PDCD6: variants seen among roughly 807,000 people sequenced by gnomAD.
PDCD6 encodes programmed cell death protein 6.
Under a neutral mutation model 28.3 loss-of-function variants are expected in PDCD6, and 12 were observed. The ratio of observed to expected loss-of-function variants is 0.42; its 90% confidence interval spans 0.27 to 0.69. The LOEUF (loss-of-function observed/expected upper bound fraction) is 0.69. PDCD6 is among the 30% of genes least tolerant of loss of function. The pLI is 0.22. For missense variants in PDCD6, 226 were observed against 269.9 expected (o/e 0.84, Z 1.14); for synonymous variants, 92 against 108.0 (o/e 0.85, Z 0.92).
Position 276,085 on chromosome 5 carries a change from T to G in PDCD6, c.163+3313T>G. The G allele has an allele frequency of 2.8e-6, 3 of 1,059,208 alleles. No individual in the cohort carries two copies. In the South Asian group the frequency reaches 3.9e-5, roughly 14 times the overall value. 65.6% of individuals were successfully genotyped at this position (1,059,208 alleles called of 1,614,324 possible). A position where few individuals can be genotyped will look rare whatever the true frequency, so the allele number is the denominator to read the frequency against. ...AGACCCTGTTTCTACAAAAAGTAAA[T>G]GAGTGTAGTGGTGCACGCCTGTATT... On this transcript the variant is annotated intron_variant, in intron 2 of 5. Coordinates refer to ENST00000264933, the MANE Select transcript of PDCD6 (RefSeq NM_013232.4).
intron 2 of PDCD6, among the ~76,000 whole-genome samples, chr5:284,642 TGCAG>T (rs1738808447): frequency 1.1e-5 from 1 of 92,582 alleles, no homozygotes; most frequent in African/African-American, 1.1e-4. Context: ...TTGAGGACCG[TGCAG>T]CTGGAGACCG....
At chr5:286,953 T>A (rs916699674) in intron 2 of PDCD6, among the ~76,000 whole-genome samples, 4 of 151,672 alleles carry the variant, frequency 2.6e-5, no homozygotes, top group African/African-American at 9.7e-5. Flanking sequence ...GATCTGGAGA[T>A]ACAGTGGGGA....
At chr5:313,751 C>T (rs1437872638) in intron 5 of PDCD6, 3 of 153,922 alleles carry the variant, frequency 1.9e-5, no homozygotes, top group Non-Finnish European at 2.9e-5. Flanking sequence ...ACACGGCTCA[C>T]TGCAGCCTCG....
intron 2 of PDCD6, among the ~76,000 whole-genome samples, chr5:298,700 T>TCCCACC: frequency 5.6e-5 from 1 of 17,850 alleles, no homozygotes; most frequent in East Asian, 8.7e-4. Flanking sequence ...CTGCTCCCAC[T>TCCCACC]CAGCTGCTCC....
chr5:297,221 G>C (rs189369163), intron 2 of PDCD6, among the ~76,000 whole-genome samples: 2 of 152,254 alleles, frequency 1.3e-5, no homozygotes, highest in African/African-American at 2.4e-5. Context: ...GAACTTCTGC[G>C]TGTTGCAGAT....
rs190855685 is a variant in PDCD6 at position 291,695 on chromosome 5, G to A, written c.164-12482G>A. Among the ~76,000 whole-genome samples the A allele has an allele frequency of 9.6e-3, 1,272 of 133,054 alleles. 27 individuals are homozygous for A. Among genetic ancestry groups the A allele is most frequent in the African/African-American group, 0.034 (1,213 of 35,404 alleles). 87.3% of individuals were successfully genotyped at this position (133,054 alleles called of 152,430 possible). A position where few individuals can be genotyped will look rare whatever the true frequency, so the allele number is the denominator to read the frequency against. On this transcript the variant is annotated intron_variant, in intron 2 of 5. Coordinates refer to ENST00000264933, the MANE Select transcript of PDCD6 (RefSeq NM_013232.4). Reference sequence around the variant, plus strand: ...CATTTTCATTGCTGCGTGATCTCCCGTCTCCATTCTCTCCCTGAGACCCAC... The same window carrying A: ...CATTTTCATTGCTGCGTGATCTCCCATCTCCATTCTCTCCCTGAGACCCAC...
In PDCD6 at chr5:307,056, A is replaced by G. The variant is rs1026920293; in HGVS notation, c.367+296A>G. On this transcript the variant is annotated intron_variant, in intron 4 of 5. Coordinates refer to ENST00000264933, the MANE Select transcript of PDCD6 (RefSeq NM_013232.4). This position sits in a 1 kb window ranked among gnomAD's most constrained non-coding sequence, Gnocchi z 6.1. The stretch of plus-strand genomic sequence containing the variant: ...AGAATGTGGCTTTTGAAATCATTTA[A>G]AAGTGGATCCATGAAAATACCGTGG... 6.6e-6 allele frequency among the ~76,000 whole-genome samples: 1 copy of G among 152,224 alleles called. No individual in the cohort carries two copies. Among genetic ancestry groups the G allele is most frequent in the Non-Finnish European group, 1.5e-5 (1 of 68,044 alleles).
chr5:314,053 C>T (rs958388252), intron 5 of PDCD6, among the ~76,000 whole-genome samples: 7 of 152,192 alleles, frequency 4.6e-5, no homozygotes, highest in Non-Finnish European at 1.0e-4. Context: ...CCAGGTGGCC[C>T]CCACAGCAGA....
chr5:298,684 A>ACTCAGCTGCTCCCCCCCAGCTGCTCCCC lies in PDCD6; in HGVS notation c.164-5480_164-5479insCCCCAGCTGCTCCCCCTCAGCTGCTCCC, dbSNP rs1561043540. On this transcript the variant is annotated intron_variant, in intron 2 of 5. Transcript: ENST00000264933. ...CAGCTGCTCCCACTCAGCTGCTCCCACTCAGCTGCTCCCACTCAGCTGCTC... is the reference window on the plus strand; with the variant it reads ...CAGCTGCTCCCACTCAGCTGCTCCCACTCAGCTGCTCCCCCCCAGCTGCTCCCCCTCAGCTGCTCCCACTCAGCTGCTC... Among the ~76,000 whole-genome samples the ACTCAGCTGCTCCCCCCCAGCTGCTCCCC allele has an allele frequency of 1.3e-4, 4 of 30,968 alleles. No homozygotes were observed. The Admixed American group carries it at 1.3e-3, about 10-fold the overall frequency. The allele number at this position is 30,968 out of a possible 152,430, so 20.3% of individuals were successfully genotyped here. A position where few individuals can be genotyped will look rare whatever the true frequency, so the allele number is the denominator to read the frequency against.
chr5:277,592 C>T (rs547374366), intron 2 of PDCD6, among the ~76,000 whole-genome samples: 50 of 151,528 alleles, frequency 3.3e-4, no homozygotes, highest in African/African-American at 1.1e-3. Context: ...TGAGCCACCA[C>T]GCCCAGCAAT....
intron 2 of PDCD6, among the ~76,000 whole-genome samples, chr5:283,358 A>G (rs79395526): frequency 0.023 from 2,468 of 109,618 alleles, no homozygotes; most frequent in African/African-American, 0.092. Flanking sequence ...GGAGGTGAAA[A>G]CCCGGAGAGG....
chr5:290,271 T>C (rs1288568061), intron 2 of PDCD6: 15 of 1,482,868 alleles, frequency 1.0e-5, no homozygotes, highest in African/African-American at 6.9e-5. Context: ...ACTTCCTTTT[T>C]CCCCTCTTCT....
intron 2 of PDCD6, among the ~76,000 whole-genome samples, chr5:278,361 CAGAA>C (rs1738338444): frequency 6.6e-6 from 1 of 151,724 alleles, no homozygotes; most frequent in Admixed American, 6.6e-5. Flanking sequence ...CTAGGGAAGA[CAGAA>C]AGAAAATACA....
In PDCD6 at chr5:311,836, G is replaced by A. The variant is rs150860626; in HGVS notation, c.477+434G>A. ...AGCCTCCCCAGTAGCTGGGATTACA[G>A]GTGACACCCAGCTAATTTTTGTATT... On this transcript the variant is annotated intron_variant, in intron 5 of 5. Transcript: ENST00000264933. The A allele has an allele frequency of 5.3e-3, 972 of 182,252 alleles. 11 individuals are homozygous for A. The highest frequency in any genetic ancestry group is 0.022 in the African/African-American group (920 of 41,708). The allele number at this position is 182,252 out of a possible 1,614,324, so 11.3% of individuals were successfully genotyped here.
chr5:286,513 G>A (rs1301960255), intron 2 of PDCD6, among the ~76,000 whole-genome samples: 3 of 150,726 alleles, frequency 2.0e-5, no homozygotes, highest in Non-Finnish European at 4.4e-5. Context: ...CCGGAGACCC[G>A]GGGATGTGCT....
At chr5:302,991 C>T (rs1169506798) in intron 2 of PDCD6, among the ~76,000 whole-genome samples, 1 of 152,216 alleles carries the variant, frequency 6.6e-6, no homozygotes, top group Non-Finnish European at 1.5e-5. Flanking sequence ...TTGGGAGGTG[C>T]TCAGGCGGAG....
chr5:299,858 T>A (rs1473363491), intron 2 of PDCD6, among the ~76,000 whole-genome samples: 6 of 151,988 alleles, frequency 3.9e-5, no homozygotes, highest in South Asian at 2.1e-4. Context: ...TGGTATTTTT[T>A]TTTTTATTTT....
In PDCD6 at chr5:311,110, CA is replaced by C. The variant is rs1360862000; in HGVS notation, c.368-182del. 1.2e-5 allele frequency: 7 copies of C among 600,884 alleles called. No homozygotes were observed. The East Asian group carries it at 1.5e-4, about 13-fold the overall frequency. 37.2% of individuals were successfully genotyped at this position (600,884 alleles called of 1,614,324 possible). On this transcript the variant is annotated intron_variant, in intron 4 of 5. Transcript: ENST00000264933. ...ATGCACTGGGGATGTCAGCTCATTACAGAATGATATATTCGGGAAGTGTCTC... is the reference window on the plus strand; with the variant it reads ...ATGCACTGGGGATGTCAGCTCATTACGAATGATATATTCGGGAAGTGTCTC...
At chr5:304,802 G>T (rs879418100) in intron 3 of PDCD6, 2 of 152,112 alleles carry the variant, frequency 1.3e-5, no homozygotes, top group East Asian at 3.9e-4. Flanking sequence ...TAATGTGAGG[G>T]TCTGCATCAT....
Sources: gnomAD v4.1 joint callset for allele counts (sites outside exome capture counted in the v4.1 genomes callset) on GRCh38, gnomAD v4.1.1 for gene constraint, Gnocchi (gnomAD v3.1) non-coding constraint, MANE v1.5 for transcripts, NCBI Gene and HGNC (gene_info 2026-07-23, HGNC 2026-07-21) for gene names.